The following TSPAN18 variants were observed in gnomAD, a reference collection of about 807,000 sequenced individuals.
TSPAN18 encodes tetraspanin-18.
A neutral mutation model predicts 27.3 loss-of-function variants in TSPAN18; 14 were observed. That is an observed-to-expected ratio of 0.51 (90% CI 0.34 to 0.80). TSPAN18 has a LOEUF of 0.80. Among genes scored for constraint, TSPAN18 ranks in the 30% least tolerant of loss-of-function variants. TSPAN18 has a pLI of 0.01. For synonymous variants in TSPAN18, 143 were observed against 136.5 expected, an observed-to-expected ratio of 1.05 and a Z score of -0.33; for missense variants, 268 against 323.9, an observed-to-expected ratio of 0.83 and a Z score of 1.32.
chr11:44,758,530 G>C (rs531760526), intron 1 of TSPAN18, among the ~76,000 whole-genome samples: 1 of 152,174 alleles, frequency 6.6e-6, no homozygotes, highest in Non-Finnish European at 1.5e-5. Flanking sequence ...AAGTGTCTTT[G>C]TCTGGTTTTG....
At chr11:44,780,785 G>A (rs1855920143) in intron 2 of TSPAN18, among the ~76,000 whole-genome samples, 1 of 152,222 alleles carries the variant, frequency 6.6e-6, no homozygotes, top group African/African-American at 2.4e-5. Context: ...TCCTGGGGAG[G>A]GGCTTGAGCC....
chr11:44,735,180 C>A (rs1317902264), intron 1 of TSPAN18, among the ~76,000 whole-genome samples: 1 of 152,210 alleles, frequency 6.6e-6, no homozygotes, highest in Non-Finnish European at 1.5e-5. Flanking sequence ...GGCACGGAGG[C>A]CAGGGAAGGC....
chr11:44,834,004 C>T (rs548457261), intron 2 of TSPAN18, among the ~76,000 whole-genome samples: 1 of 151,468 alleles, frequency 6.6e-6, no homozygotes, highest in Non-Finnish European at 1.5e-5. Context: ...ATAATGGCGG[C>T]TTCCTAGATA....
chr11:44,919,683 AG>A, intron 7 of TSPAN18, 133 bp from the exon 8 acceptor site: 1 of 855,462 alleles, frequency 1.2e-6, no homozygotes, highest in Non-Finnish European at 1.9e-6. Flanking sequence ...ATGGTCACAC[AG>A]TGGTGACAGG....
chr11:44,733,120 G>T (rs927874296), intron 1 of TSPAN18, among the ~76,000 whole-genome samples: 1 of 152,146 alleles, frequency 6.6e-6, no homozygotes, highest in African/African-American at 2.4e-5. Flanking sequence ...CTGTCATCTG[G>T]CCCCAAACCA....
rs571307745 is a variant in TSPAN18, at chr11:44,810,553, G to T, written c.-153+46041G>T. 5.4e-4 allele frequency among the ~76,000 whole-genome samples: 82 copies of T among 151,298 alleles called. 1 individual carries two copies. The highest frequency in any genetic ancestry group is 2.5e-3 in the South Asian group (12 of 4,762). On this transcript the variant is annotated intron_variant, in intron 2 of 9. Transcript: ENST00000520358. ...GATGAATATTTATTTCTATCTTTTGGCTGTTGTGAACAGCACTGCTATGTT... is the reference window on the plus strand; with the variant it reads ...GATGAATATTTATTTCTATCTTTTGTCTGTTGTGAACAGCACTGCTATGTT...
At chr11:44,901,998 C>T (rs889152394) in intron 3 of TSPAN18, among the ~76,000 whole-genome samples, 1 of 152,200 alleles carries the variant, frequency 6.6e-6, no homozygotes, top group Non-Finnish European at 1.5e-5. Flanking sequence ...CCTCTTTTCC[C>T]TTTCCAAAGG....
intron 2 of TSPAN18, among the ~76,000 whole-genome samples, chr11:44,781,923 C>T (rs1855947864): frequency 6.6e-6 from 1 of 152,156 alleles, no homozygotes; most frequent in African/African-American, 2.4e-5. Context: ...CCGGAACTTG[C>T]TATAAATGGA....
Position 44,903,842 on chromosome 11 carries a change from T to G in TSPAN18, c.-10-2565T>G, listed in dbSNP as rs114509332. On this transcript the variant is annotated intron_variant, in intron 3 of 9. Transcript: ENST00000520358. ...AATCTTGGCTTCACCACTCACTAGC[T>G]GTGACCTCAGACAAGTCACCTCGCC... 9.1e-4 allele frequency: 414 copies of G among 456,702 alleles called. 2 individuals are homozygous for G. Among genetic ancestry groups the G allele is most frequent in the African/African-American group, 7.7e-3 (385 of 50,176 alleles). 28.3% of individuals were successfully genotyped at this position (456,702 alleles called of 1,614,324 possible).
Position 44,791,989 on chromosome 11 carries a change from G to A in TSPAN18, c.-153+27477G>A, listed in dbSNP as rs1590476384. The stretch of plus-strand genomic sequence containing the variant: ...TGCAGACAATGTCCTGGATAGGGGG[G>A]TGCAGCAGTGGACAGAAGCCCCTCC... On this transcript the variant is annotated intron_variant, in intron 2 of 9. Coordinates refer to ENST00000520358, the MANE Select transcript of TSPAN18 (RefSeq NM_130783.5). Among the ~76,000 whole-genome samples, 5 of 152,306 alleles carry A rather than the reference G, an allele frequency of 3.3e-5. No individual in the cohort carries two copies. The South Asian group carries it at 1.0e-3, about 32-fold the overall frequency.
At position 44,931,615 on chromosome 11, in the gene TSPAN18, G is replaced by A. The variant is rs1262933881; in HGVS notation, c.*2437G>A. ...CCACCCTCTTAGGCTGGAAAGGGAA[G>A]ACAGGCAGTTTCTGCTCCTGTTGGC... On this transcript the variant is annotated 3_prime_UTR_variant, in exon 10 of 10. Coordinates refer to ENST00000520358, the MANE Select transcript of TSPAN18 (RefSeq NM_130783.5). 1 of 152,328 alleles carries A rather than the reference G, an allele frequency of 6.6e-6. No homozygotes were observed. The highest frequency in any genetic ancestry group is 1.5e-5 in the Non-Finnish European group (1 of 68,118). 9.4% of individuals were successfully genotyped at this position (152,328 alleles called of 1,614,324 possible). A position where few individuals can be genotyped will look rare whatever the true frequency, so the allele number is the denominator to read the frequency against.
chr11:44,735,983 T>A (rs765680162), intron 1 of TSPAN18, among the ~76,000 whole-genome samples: 9 of 152,124 alleles, frequency 5.9e-5, no homozygotes, highest in Non-Finnish European at 1.2e-4. Flanking sequence ...GCTGTCAACA[T>A]ATCGTTTTGG....
intron 2 of TSPAN18, among the ~76,000 whole-genome samples, chr11:44,825,428 C>T (rs551785232): frequency 3.9e-5 from 6 of 152,260 alleles, no homozygotes; most frequent in Admixed American, 2.6e-4. Context: ...GTGGGAGCCC[C>T]GGTCAGTCTG....
intron 1 of TSPAN18, among the ~76,000 whole-genome samples, chr11:44,747,832 C>T (rs1167247296): frequency 6.6e-6 from 1 of 152,182 alleles, no homozygotes; most frequent in Non-Finnish European, 1.5e-5. Flanking sequence ...GGCCCAAATA[C>T]TTTTCCTTCT....
intron 3 of TSPAN18, among the ~76,000 whole-genome samples, chr11:44,883,719 A>C (rs948621243): frequency 6.6e-6 from 1 of 152,158 alleles, no homozygotes; most frequent in African/African-American, 2.4e-5. Context: ...CGCTCTTTCT[A>C]CTGGGGTTTC....
chr11:44,779,798 C>T (rs1855895280), intron 2 of TSPAN18, among the ~76,000 whole-genome samples: 1 of 152,140 alleles, frequency 6.6e-6, no homozygotes, highest in South Asian at 2.1e-4. Flanking sequence ...CTCCTAAGTG[C>T]CTGCACATTC....
rs544010880 is a variant in TSPAN18, at chr11:44,872,644, ACT to A, written c.-11+12178_-11+12179del. Among the ~76,000 whole-genome samples, 437 of 152,228 alleles carry A rather than the reference ACT, an allele frequency of 2.9e-3. 2 individuals carry two copies. Among genetic ancestry groups the A allele is most frequent in the Middle Eastern group, 0.01 (3 of 292 alleles). On this transcript the variant is annotated intron_variant, in intron 3 of 9. Transcript: ENST00000520358. Reference sequence around the variant, plus strand: ...CTATATTGTGCTTACTATATGCCAGACTCTGCTTTAATGCTTTACATAAGTTA... The same window carrying A: ...CTATATTGTGCTTACTATATGCCAGACTGCTTTAATGCTTTACATAAGTTA...
At chr11:44,801,812 A>G (rs1458926745) in intron 2 of TSPAN18, among the ~76,000 whole-genome samples, 1 of 152,098 alleles carries the variant, frequency 6.6e-6, no homozygotes, top group Admixed American at 6.5e-5. Context: ...TGGGAGGATC[A>G]ATTAAACCCA....
At chr11:44,833,854 TC>T (rs1857207227) in intron 2 of TSPAN18, among the ~76,000 whole-genome samples, 1 of 151,888 alleles carries the variant, frequency 6.6e-6, no homozygotes. Context: ...AAAGACACCC[TC>T]CCCATCTAAT....
Sources: allele counts gnomAD v4.1 joint callset (sites outside exome capture counted in the v4.1 genomes callset), GRCh38; gene constraint gnomAD v4.1.1; transcripts MANE v1.5; gene names NCBI Gene and HGNC (gene_info 2026-07-23, HGNC 2026-07-21).